The following TCF12 variants were observed in gnomAD, a reference collection of about 807,000 sequenced individuals.
TCF12 encodes transcription factor 12.
In TCF12, 45 loss-of-function variants were observed where a neutral mutation model predicts 86.0. The ratio of observed to expected loss-of-function variants is 0.52; its 90% CI spans 0.41 to 0.67. The LOEUF (loss-of-function observed/expected upper bound fraction) is 0.67. Ranked by LOEUF, TCF12 falls within the 30% of genes least tolerant of loss-of-function variation. The probability of loss-of-function intolerance (pLI) is 0.00; values close to 1 mark genes in which losing one functional copy is unlikely to be tolerated. For synonymous variants in TCF12, 330 were observed against 299.6 expected, an observed-to-expected ratio of 1.10 and a Z score of -1.05; for missense variants, 881 against 859.9, an observed-to-expected ratio of 1.02 and a Z score of -0.31.
Position 57,168,936 on chromosome 15 carries a change from C to G in TCF12, c.390+2470C>G, listed in dbSNP as rs541743510. Reference sequence around the variant, plus strand: ...TGGCAGGCTCCTGTAATCCCAGCTACTTGGGAAGCTGAGGCAGGAGAATCG... The same window carrying G: ...TGGCAGGCTCCTGTAATCCCAGCTAGTTGGGAAGCTGAGGCAGGAGAATCG... On this transcript the variant is annotated intron_variant, in intron 6 of 20. Transcript: ENST00000333725. Among the ~76,000 whole-genome samples the G allele has an allele frequency of 5.3e-5, 8 of 152,184 alleles. No homozygotes were observed. In the East Asian group the frequency reaches 1.5e-3, roughly 29 times the overall value.
chr15:57,285,827 C>CTGA (rs1479138689), intron 20 of TCF12, among the ~76,000 whole-genome samples: 1 of 152,140 alleles, frequency 6.6e-6, no homozygotes, highest in African/African-American at 2.4e-5. Context: ...TACTCAAAGA[C>CTGA]TGAGGTGGGA....
chr15:56,977,841 C>T (rs2062688869), intron 3 of TCF12, among the ~76,000 whole-genome samples: 1 of 152,034 alleles, frequency 6.6e-6, no homozygotes, highest in South Asian at 2.1e-4. Flanking sequence ...ATCAGAATCA[C>T]CTGGAGGATT....
chr15:56,970,983 G>C (rs2062283012), intron 3 of TCF12, among the ~76,000 whole-genome samples: 1 of 152,198 alleles, frequency 6.6e-6, no homozygotes, highest in Non-Finnish European at 1.5e-5. Context: ...GGGCCTGAGA[G>C]GTTGAGGCTG....
intron 3 of TCF12, among the ~76,000 whole-genome samples, chr15:56,965,778 C>A (rs560589013): frequency 6.6e-6 from 1 of 151,914 alleles, no homozygotes; most frequent in African/African-American, 2.4e-5. Context: ...TCTCTTATTG[C>A]AAGTCGAGTG....
chr15:56,976,717 C>T (rs2062626198), intron 3 of TCF12, among the ~76,000 whole-genome samples: 1 of 152,046 alleles, frequency 6.6e-6, no homozygotes, highest in Non-Finnish European at 1.5e-5. Flanking sequence ...CCCACCCAGA[C>T]AGTTGAATCT....
chr15:57,286,155 A>T lies in TCF12; in HGVS notation c.*12-2A>T, dbSNP rs2061926634. On this transcript the variant is annotated splice_acceptor_variant, in intron 20 of 20. Transcript: ENST00000333725. LOFTEE classifies it low-confidence loss of function (3UTR_SPLICE). ...CCTCTCCCTTGGCTGTCCCTGCCAC[A>T]GTTCCAGAGTTATCAGTAGGCTAGA... is the stretch of plus-strand genomic sequence containing the variant. 1 of 158,564 alleles carries T rather than the reference A, an allele frequency of 6.3e-6. No individual in the cohort carries two copies. The highest frequency in any genetic ancestry group is 2.4e-5 in the African/African-American group (1 of 41,508). 9.8% of individuals were successfully genotyped at this position (158,564 alleles called of 1,614,324 possible). A position where few individuals can be genotyped will look rare whatever the true frequency, so the allele number is the denominator to read the frequency against.
At chr15:57,162,237 T>TAAA (rs36063982) in intron 5 of TCF12, among the ~76,000 whole-genome samples, 70 of 147,270 alleles carry the variant, frequency 4.8e-4, no homozygotes, top group African/African-American at 1.7e-3. Context: ...ATATTTATGT[T>TAAA]AAAAAAAAAA....
intron 3 of TCF12, among the ~76,000 whole-genome samples, chr15:56,965,637 C>G (rs2061968831): frequency 6.6e-6 from 1 of 152,052 alleles, no homozygotes; most frequent in South Asian, 2.1e-4. Flanking sequence ...GAATTAAGTT[C>G]AAAATCACCA....
chr15:57,014,895 GTTA>G (rs1178540327), intron 3 of TCF12, among the ~76,000 whole-genome samples: 17 of 59,592 alleles, frequency 2.9e-4, no homozygotes, highest in South Asian at 1.7e-3. Flanking sequence ...TATTATTATT[GTTA>G]TTATTATTAT....
intron 3 of TCF12, among the ~76,000 whole-genome samples, chr15:56,997,243 A>C (rs1385623342): frequency 2.6e-5 from 4 of 152,232 alleles, no homozygotes; most frequent in African/African-American, 4.8e-5. Flanking sequence ...TCAGTGGTGG[A>C]TTGGGTAGAG....
intron 5 of TCF12, among the ~76,000 whole-genome samples, chr15:57,119,546 C>G (rs1398138069): frequency 1.3e-5 from 2 of 149,408 alleles, no homozygotes; most frequent in African/African-American, 5.0e-5. Flanking sequence ...TGTAAACCAG[C>G]TAGTAAAATT....
chr15:57,004,639 G>A (rs1389188420), intron 3 of TCF12, among the ~76,000 whole-genome samples: 1 of 152,082 alleles, frequency 6.6e-6, no homozygotes, highest in Non-Finnish European at 1.5e-5. Flanking sequence ...TCTGTCTCCT[G>A]ACCTTGTGAT....
In TCF12 at chr15:57,240,450, C is replaced by T. The variant is rs112687279; in HGVS notation, c.1036-3022C>T. 8.8e-4 allele frequency among the ~76,000 whole-genome samples: 134 copies of T among 152,284 alleles called. 4 individuals are homozygous for T. The highest frequency in any genetic ancestry group is 3.2e-3 in the African/African-American group (132 of 41,558). On this transcript the variant is annotated intron_variant, in intron 12 of 20. Coordinates refer to ENST00000333725, the MANE Select transcript of TCF12 (RefSeq NM_207037.2). ...GACGATTTCTCACTCATCCATCCAC[C>T]ATCAGTGTTATCAGCCTTTCCCTCC...
chr15:56,983,724 G>C (rs573152534), intron 3 of TCF12, among the ~76,000 whole-genome samples: 1 of 152,150 alleles, frequency 6.6e-6, no homozygotes, highest in East Asian at 1.9e-4. Flanking sequence ...CAAGGGGCTA[G>C]GCACGGTGGC....
chr15:57,184,397 T>A (rs1267176607), intron 6 of TCF12, among the ~76,000 whole-genome samples: 1 of 152,192 alleles, frequency 6.6e-6, no homozygotes, highest in Non-Finnish European at 1.5e-5. Context: ...CCATAAGAAT[T>A]TGTATGCCAG....
At chr15:56,938,045 CT>C (rs370916527) in intron 3 of TCF12, among the ~76,000 whole-genome samples, 959 of 30,688 alleles carry the variant, frequency 0.031, 15 homozygotes, top group African/African-American at 0.062. Context: ...CGTTTCTTTT[CT>C]TTTTTTTTTT....
At chr15:57,140,482 C>G (rs1398904947) in intron 5 of TCF12, among the ~76,000 whole-genome samples, 1 of 152,116 alleles carries the variant, frequency 6.6e-6, no homozygotes. Context: ...AGATCATGTG[C>G]TAAGTGTCAG....
intron 7 of TCF12, among the ~76,000 whole-genome samples, chr15:57,195,402 A>G (rs2057206838): frequency 6.6e-6 from 1 of 152,242 alleles, no homozygotes; most frequent in African/African-American, 2.4e-5. Context: ...GTAGAATGAT[A>G]GGCTCTAAAC....
chr15:57,189,600 A>T (rs1296335903), intron 6 of TCF12, among the ~76,000 whole-genome samples: 3 of 152,202 alleles, frequency 2.0e-5, no homozygotes, highest in African/African-American at 7.2e-5. Context: ...CTAGGCAAGG[A>T]TATGGAGAAA....
Sources: gnomAD v4.1 joint callset for allele counts (sites outside exome capture counted in the v4.1 genomes callset) on GRCh38, gnomAD v4.1.1 for gene constraint, MANE v1.5 for transcripts, NCBI Gene and HGNC (gene_info 2026-07-23, HGNC 2026-07-21) for gene names.